Variants in GSG1L observed in about 807,000 individuals in gnomAD.
The protein encoded by GSG1L is GSG1 like, also known as germ cell-specific gene 1-like protein.
GSG1L carries 24 observed loss-of-function variants against 42.1 expected under a neutral mutation model. That is an observed-to-expected ratio of 0.57 (90% CI 0.41 to 0.80). The LOEUF is 0.80. GSG1L is among the 30% of genes least tolerant of loss of function. The probability of loss-of-function intolerance (pLI) is 0.00; values close to 1 mark genes in which losing one functional copy is unlikely to be tolerated. For missense variants in GSG1L, 445 were observed against 472.2 expected, an observed-to-expected ratio of 0.94 and a Z score of 0.53; for synonymous variants, 215 against 203.5, an observed-to-expected ratio of 1.06 and a Z score of -0.48.
chr16:27,979,754 GAA>G (rs1491315836), intron 1 of GSG1L, among the ~76,000 whole-genome samples: 3 of 107,484 alleles, frequency 2.8e-5, no homozygotes, highest in Non-Finnish European at 5.9e-5. Flanking sequence ...AGAAAGGAAA[GAA>G]AGAAAGAAAG....
intron 1 of GSG1L, among the ~76,000 whole-genome samples, chr16:28,036,928 C>T (rs1377079329): frequency 6.6e-6 from 1 of 152,238 alleles, no homozygotes; most frequent in Non-Finnish European, 1.5e-5. Flanking sequence ...ACTACGTTTC[C>T]CACATGTGTG....
intron 1 of GSG1L, among the ~76,000 whole-genome samples, chr16:28,033,953 G>A (rs528625870): frequency 9.9e-5 from 15 of 152,082 alleles, no homozygotes; most frequent in South Asian, 4.1e-4. Context: ...AGTCCACAGC[G>A]CACACACACA....
intron 2 of GSG1L, among the ~76,000 whole-genome samples, chr16:27,951,729 T>C (rs1030411341): frequency 5.3e-5 from 8 of 152,212 alleles, no homozygotes; most frequent in African/African-American, 1.9e-4. Flanking sequence ...CCCTCTCTGC[T>C]CAGCATGCTC....
intron 2 of GSG1L, among the ~76,000 whole-genome samples, chr16:27,895,516 C>T (rs1460528735): frequency 1.3e-5 from 2 of 152,176 alleles, no homozygotes; most frequent in East Asian, 3.8e-4. Context: ...AAATATCCTG[C>T]AAACCTTTCC....
intron 2 of GSG1L, among the ~76,000 whole-genome samples, chr16:27,908,870 G>C (rs1211767756): frequency 2.0e-5 from 3 of 152,190 alleles, no homozygotes; most frequent in Non-Finnish European, 4.4e-5. Flanking sequence ...ATTCAGCTCA[G>C]TATCTCATCC....
intron 2 of GSG1L, among the ~76,000 whole-genome samples, chr16:27,944,743 T>C (rs2084843552): frequency 6.6e-6 from 1 of 151,918 alleles, no homozygotes; most frequent in Admixed American, 6.6e-5. Flanking sequence ...TATGCCTTCG[T>C]TTTTATGTGC....
rs2086096032 is a variant in GSG1L, at chr16:28,040,723, C to G, written c.349+22353G>C. On this transcript the variant is annotated intron_variant, in intron 1 of 6. Transcript: ENST00000447459. This position sits in a 1 kb window ranked among gnomAD's most constrained non-coding sequence, Gnocchi z 4.1. ...GCTCTGGCCCCTCTGGGCTTGCAGG[C>G]AGGTGGGGGAACTTGCAGGTGGCTC... Among the ~76,000 whole-genome samples the G allele has an allele frequency of 6.6e-6, 1 of 152,216 alleles. No homozygotes were observed. Among genetic ancestry groups the G allele is most frequent in the Non-Finnish European group, 1.5e-5 (1 of 68,040 alleles).
At chr16:27,840,713 A>T (rs1346105044) in intron 4 of GSG1L, among the ~76,000 whole-genome samples, 3 of 152,034 alleles carry the variant, frequency 2.0e-5, no homozygotes, top group African/African-American at 7.3e-5. Flanking sequence ...CAGGAGTGAC[A>T]CTGTGTGATT....
At chr16:27,858,311 T>C (rs1334661918) in intron 3 of GSG1L, among the ~76,000 whole-genome samples, 2 of 152,210 alleles carry the variant, frequency 1.3e-5, no homozygotes, top group African/African-American at 2.4e-5. Context: ...CCATCCCTTG[T>C]CCTTTGTAAT....
chr16:27,808,714 T>C (rs757217917), intron 5 of GSG1L, among the ~76,000 whole-genome samples: 2 of 152,224 alleles, frequency 1.3e-5, no homozygotes, highest in Non-Finnish European at 2.9e-5. Flanking sequence ...CTGCGTACTA[T>C]CAAAGCCCCA....
At chr16:27,851,116 G>A (rs1457538766) in intron 3 of GSG1L, among the ~76,000 whole-genome samples, 1 of 152,166 alleles carries the variant, frequency 6.6e-6, no homozygotes, top group African/African-American at 2.4e-5. Context: ...GAAAACAAGA[G>A]GGCTGGCTTT....
Position 27,803,766 on chromosome 16 carries a change from CATATATATATATATATAT to C in GSG1L, c.898+3703_898+3720del, listed in dbSNP as rs3047681. On this transcript the variant is annotated intron_variant, in intron 6 of 6. Transcript: ENST00000447459. ...TCTGATCCTTTTCCCACAGTGCAGA[CATATATATATATATATAT>C]ATATATATATAGATAGATAGATATA... Among the ~76,000 whole-genome samples, 3 of 117,912 alleles carry C rather than the reference CATATATATATATATATAT, an allele frequency of 2.5e-5. 1 individual carries two copies. Among genetic ancestry groups the C allele is most frequent in the Non-Finnish European group, 3.5e-5 (2 of 56,712 alleles). The allele number at this position is 117,912 out of a possible 152,430, so 77.4% of individuals were successfully genotyped here.
At chr16:28,001,937 G>A (rs2085582446) in intron 1 of GSG1L, among the ~76,000 whole-genome samples, 1 of 152,210 alleles carries the variant, frequency 6.6e-6, no homozygotes, top group Non-Finnish European at 1.5e-5. Flanking sequence ...TGGGGTTCCT[G>A]TGTGGGAAGA....
At chr16:27,874,071 G>C (rs1338419831) in intron 3 of GSG1L, among the ~76,000 whole-genome samples, 3 of 152,132 alleles carry the variant, frequency 2.0e-5, no homozygotes, top group East Asian at 3.9e-4. Flanking sequence ...ATGTGCTCCT[G>C]TCTCCCCACC....
intron 5 of GSG1L, among the ~76,000 whole-genome samples, chr16:27,828,050 T>TCATCCATCCATC (rs57317132): frequency 6.9e-4 from 90 of 131,184 alleles, no homozygotes; most frequent in Non-Finnish European, 1.1e-3. Flanking sequence ...ATCCACCCAA[T>TCATCCATCCATC]CATCCATCCA....
intron 1 of GSG1L, among the ~76,000 whole-genome samples, chr16:28,049,675 A>T (rs1157643161): frequency 6.7e-6 from 1 of 149,066 alleles, no homozygotes; most frequent in African/African-American, 2.5e-5. Flanking sequence ...CAACACAGTG[A>T]GACCCTGTCT....
chr16:27,843,252 T>G (rs1468936950), intron 4 of GSG1L, among the ~76,000 whole-genome samples: 1 of 152,096 alleles, frequency 6.6e-6, no homozygotes, highest in Non-Finnish European at 1.5e-5. Flanking sequence ...TTCCCCTACT[T>G]CTCTTTCTGT....
chr16:27,857,532 A>G (rs2083594843), intron 3 of GSG1L, among the ~76,000 whole-genome samples: 1 of 151,972 alleles, frequency 6.6e-6, no homozygotes, highest in Non-Finnish European at 1.5e-5. Flanking sequence ...ACTTGAGGCC[A>G]GGGGTTCAAG....
chr16:27,993,456 A>G (rs912381214), intron 1 of GSG1L, among the ~76,000 whole-genome samples: 2 of 152,082 alleles, frequency 1.3e-5, no homozygotes, highest in African/African-American at 2.4e-5. Context: ...ACTTTCAATC[A>G]TATTTGGAGG....
Sources: gnomAD v4.1 joint callset for allele counts (sites outside exome capture counted in the v4.1 genomes callset) on GRCh38, gnomAD v4.1.1 for gene constraint, Gnocchi (gnomAD v3.1) non-coding constraint, MANE v1.5 for transcripts, NCBI Gene and HGNC (gene_info 2026-07-23, HGNC 2026-07-21) for gene names.